The following PAMR1 variants were observed in gnomAD, a reference collection of about 807,000 sequenced individuals.
The protein encoded by PAMR1 is peptidase domain containing associated with muscle regeneration 1, also known as inactive serine protease PAMR1.
Under a neutral mutation model 81.8 loss-of-function variants are expected in PAMR1, and 88 were observed. The observed-to-expected ratio is 1.08, with a 90% confidence interval of 0.91 to 1.28. The LOEUF is 1.28. PAMR1 is among the 50% of genes most tolerant of loss of function. PAMR1 has a pLI of 0.00. For missense variants in PAMR1, 935 were observed against 919.7 expected (o/e 1.02, Z -0.21); for synonymous variants, 336 against 345.3 (o/e 0.97, Z 0.30).
intron 1 of PAMR1, among the ~76,000 whole-genome samples, chr11:35,506,049 G>A (rs1590387103): frequency 1.4e-5 from 2 of 147,826 alleles, no homozygotes; most frequent in Admixed American, 1.3e-4. Context: ...GTTACCATGA[G>A]GTTTACAAAA....
chr11:35,465,078 A>G (rs959093104), intron 6 of PAMR1, among the ~76,000 whole-genome samples: 2 of 152,196 alleles, frequency 1.3e-5, no homozygotes, highest in African/African-American at 4.8e-5. Context: ...GAGATTGTGA[A>G]CTAAGTGGGA....
chr11:35,437,747 A>G (rs1484334594), intron 8 of PAMR1, among the ~76,000 whole-genome samples: 1 of 152,268 alleles, frequency 6.6e-6, no homozygotes, highest in Non-Finnish European at 1.5e-5. Flanking sequence ...TAGGAAGCCC[A>G]GTAGTCTTTC....
intron 10 of PAMR1, among the ~76,000 whole-genome samples, chr11:35,433,463 T>C (rs75435433): frequency 0.02 from 3,113 of 152,324 alleles, 81 homozygotes; most frequent in Admixed American, 0.068. Context: ...TTGCTGGTCA[T>C]GCCTTTTGAT....
chr11:35,491,956 G>T, intron 3 of PAMR1, 89 bp downstream of exon 3: 1 of 1,228,068 alleles, frequency 8.1e-7, no homozygotes, highest in Non-Finnish European at 1.1e-6. Flanking sequence ...CCAAAACTCA[G>T]ATTCCAAGGA....
chr11:35,492,130 T>C lies in PAMR1; in HGVS notation c.294A>G (p.Ser98=), dbSNP rs776912550. 2 of 1,613,954 alleles carry C rather than the reference T, an allele frequency of 1.2e-6. No homozygotes were observed. The highest frequency in any genetic ancestry group is 1.7e-6 in the Non-Finnish European group (2 of 1,179,966). The change falls in exon 3 of 11, where the codon TCA becomes TCG. Residue 98 remains serine, a synonymous_variant. Transcript: ENST00000619888. The part of the protein sequence containing the change: ...FENCKSCRNG[S]WGGTLDDFYV... ...AGAAGTCATCCAAGGTACCCCCCCA[T>C]GAGCCATTTCGGCAGCTCTTGCAGT...
intron 1 of PAMR1, among the ~76,000 whole-genome samples, chr11:35,507,337 A>T (rs1457107344): frequency 6.6e-6 from 1 of 152,068 alleles, no homozygotes; most frequent in African/African-American, 2.4e-5. Flanking sequence ...ATGAGCCACC[A>T]TGCCCAGCCT....
At chr11:35,475,814 A>T (rs1850274715) in intron 3 of PAMR1, among the ~76,000 whole-genome samples, 1 of 152,178 alleles carries the variant, frequency 6.6e-6, no homozygotes, top group African/African-American at 2.4e-5. Flanking sequence ...GAGTTAAGTA[A>T]TTATAGCAAG....
chr11:35,527,604 G>T (rs1472329957), upstream of PAMR1, among the ~76,000 whole-genome samples: 1 of 152,162 alleles, frequency 6.6e-6, no homozygotes, highest in South Asian at 2.1e-4. Flanking sequence ...CTTGTTGCTG[G>T]CCAACCAGTC....
intron 10 of PAMR1, among the ~76,000 whole-genome samples, chr11:35,433,567 G>C (rs746697822): frequency 6.6e-6 from 1 of 152,196 alleles, no homozygotes; most frequent in African/African-American, 2.4e-5. Context: ...GGCTTCTCTT[G>C]TGTCACATTG....
intron 6 of PAMR1, among the ~76,000 whole-genome samples, chr11:35,452,988 G>C (rs1280660669): frequency 6.6e-6 from 1 of 152,172 alleles, no homozygotes; most frequent in African/African-American, 2.4e-5. Context: ...CGTATAGTAG[G>C]TGTTCAATAA....
At chr11:35,448,771 A>G (rs979869513) in intron 6 of PAMR1, among the ~76,000 whole-genome samples, 1 of 151,834 alleles carries the variant, frequency 6.6e-6, no homozygotes, top group South Asian at 2.1e-4. Context: ...TCTCATCTTC[A>G]TGGGTTTATC....
intron 6 of PAMR1, among the ~76,000 whole-genome samples, chr11:35,442,773 T>C (rs553103539): frequency 1.1e-4 from 17 of 151,940 alleles, no homozygotes; most frequent in Admixed American, 2.0e-4. Flanking sequence ...CAGCTAATTT[T>C]TGTATTTTTA....
chr11:35,498,835 C>T (rs1850776099), intron 1 of PAMR1, among the ~76,000 whole-genome samples: 1 of 152,204 alleles, frequency 6.6e-6, no homozygotes, highest in South Asian at 2.1e-4. Flanking sequence ...CAGAGAGGTC[C>T]TCCCTGGCCT....
At chr11:35,491,595 A>G (rs1850626963) in intron 3 of PAMR1, among the ~76,000 whole-genome samples, 3 of 152,224 alleles carry the variant, frequency 2.0e-5, no homozygotes, top group Admixed American at 2.0e-4. Context: ...AGCAGATCCC[A>G]GAAAGAATCT....
intron 6 of PAMR1, among the ~76,000 whole-genome samples, chr11:35,466,895 TTTTCTGTG>T (rs1255053312): frequency 6.6e-6 from 1 of 152,042 alleles, no homozygotes; most frequent in Non-Finnish European, 1.5e-5. Context: ...CTCGGGTCTA[TTTTCTGTG>T]TTTCTGTGGG....
At chr11:35,484,118 T>TC (rs1850453507) in intron 3 of PAMR1, among the ~76,000 whole-genome samples, 1 of 152,202 alleles carries the variant, frequency 6.6e-6, no homozygotes, top group African/African-American at 2.4e-5. Flanking sequence ...CCAGACTCTA[T>TC]CCACCATTTA....
intron 8 of PAMR1, among the ~76,000 whole-genome samples, chr11:35,436,655 G>GTCAC (rs1555030657): frequency 8.3e-6 from 1 of 119,766 alleles, no homozygotes; most frequent in African/African-American, 3.4e-5. Context: ...CTCTCTCTCT[G>GTCAC]TCACACACAC....
intron 1 of PAMR1, among the ~76,000 whole-genome samples, chr11:35,508,855 T>C (rs1851024193): frequency 6.6e-6 from 1 of 152,172 alleles, no homozygotes; most frequent in African/African-American, 2.4e-5. Flanking sequence ...TCCAGCTCCA[T>C]CCATGTTGCT....
chr11:35,456,227 G>C (rs1046860822), intron 6 of PAMR1, among the ~76,000 whole-genome samples: 3 of 152,052 alleles, frequency 2.0e-5, no homozygotes, highest in Non-Finnish European at 4.4e-5. Flanking sequence ...GATAAGTTGT[G>C]AACCAATGAA....
Sources: gnomAD v4.1 joint callset for allele counts (sites outside exome capture counted in the v4.1 genomes callset) on GRCh38, gnomAD v4.1.1 for gene constraint, MANE v1.5 for transcripts, NCBI Gene and HGNC (gene_info 2026-07-23, HGNC 2026-07-21) for gene names.